Variants in KIAA1217 observed in about 807,000 individuals in gnomAD.
The protein encoded by KIAA1217 is sickle tail protein homolog.
Under a neutral mutation model 163.9 loss-of-function variants are expected in KIAA1217, and 88 were observed. The ratio of observed to expected loss-of-function variants is 0.54; its 90% CI spans 0.45 to 0.64. The LOEUF (loss-of-function observed/expected upper bound fraction) is 0.64, where lower values mean the gene tolerates loss of function less well. Among genes scored for constraint, KIAA1217 ranks in the 30% least tolerant of loss-of-function variants. The probability of loss-of-function intolerance (pLI) is 0.00; values close to 1 mark genes in which losing one functional copy is unlikely to be tolerated. For missense variants in KIAA1217, 2,372 were observed against 2,475.0 expected (o/e 0.96, Z 0.88); for synonymous variants, 903 against 923.1 (o/e 0.98, Z 0.39).
At chr10:24,194,276 TCCCTCCTCTCCCCTC>T (rs1214094134) in intron 2 of KIAA1217, among the ~76,000 whole-genome samples, 16 of 134,234 alleles carry the variant, frequency 1.2e-4, no homozygotes, top group Non-Finnish European at 1.9e-4. Context: ...GGCCTTCATT[TCCCTCCTCTCCCCTC>T]CCCTCCTCTC....
chr10:24,500,807 G>C (rs1041172709), intron 8 of KIAA1217, among the ~76,000 whole-genome samples: 1 of 152,132 alleles, frequency 6.6e-6, no homozygotes, highest in Non-Finnish European at 1.5e-5. Context: ...AATTGGCCAA[G>C]TGCGGTGGTT....
intron 1 of KIAA1217, among the ~76,000 whole-genome samples, chr10:23,979,123 G>A (rs1015772371): frequency 6.6e-6 from 1 of 152,144 alleles, no homozygotes; most frequent in Admixed American, 6.6e-5. Flanking sequence ...ATGACAAAAG[G>A]TCTTGATTAA....
At chr10:24,343,425 C>T (rs1010873135) in intron 2 of KIAA1217, among the ~76,000 whole-genome samples, 1 of 152,098 alleles carries the variant, frequency 6.6e-6, no homozygotes, top group African/African-American at 2.4e-5. Flanking sequence ...GTGCGAAGCT[C>T]CAGTTTGTGT....
At chr10:24,297,430 G>A (rs1238003986) in intron 2 of KIAA1217, among the ~76,000 whole-genome samples, 4 of 152,184 alleles carry the variant, frequency 2.6e-5, no homozygotes, top group African/African-American at 4.8e-5. Context: ...CAGTTGCTCA[G>A]TCCCCATCTC....
chr10:23,766,563 CTTTTCTTTTTT>C (rs1432913977), intron 1 of KIAA1217, among the ~76,000 whole-genome samples: 2 of 144,924 alleles, frequency 1.4e-5, no homozygotes, highest in Non-Finnish European at 3.0e-5. Context: ...TTTTCTTTTT[CTTTTCTTTTTT>C]TTTTCTTTCT....
At chr10:23,759,392 C>A (rs1834124552) in intron 1 of KIAA1217, among the ~76,000 whole-genome samples, 2 of 152,230 alleles carry the variant, frequency 1.3e-5, no homozygotes. Context: ...AATTTGGATA[C>A]CTTTGATTTC....
intron 2 of KIAA1217, among the ~76,000 whole-genome samples, chr10:24,064,992 C>G (rs549808029): frequency 6.6e-6 from 1 of 152,252 alleles, no homozygotes; most frequent in South Asian, 2.1e-4. Context: ...GTGATATCAC[C>G]TTTGTCATTT....
intron 2 of KIAA1217, among the ~76,000 whole-genome samples, chr10:24,151,011 G>A (rs1165828374): frequency 6.6e-6 from 1 of 152,098 alleles, no homozygotes; most frequent in Non-Finnish European, 1.5e-5. Flanking sequence ...GAGACTTAGG[G>A]GGCTAGAGAA....
chr10:23,954,046 G>GA (rs1209478379), intron 1 of KIAA1217, among the ~76,000 whole-genome samples: 1 of 152,152 alleles, frequency 6.6e-6, no homozygotes, highest in African/African-American at 2.4e-5. Context: ...AAGGTCAGAT[G>GA]AAAATGCATT....
At position 24,405,226 on chromosome 10, in the gene KIAA1217, T is replaced by A. The variant is rs554164490; in HGVS notation, c.553+24159T>A. On this transcript the variant is annotated intron_variant, in intron 3 of 20. Transcript: ENST00000376454. ...GTTTTGTTATTGCCCTATAGTTATA[T>A]AATTGGGGGAGGGAGGGCAAAGAGT... 2.0e-5 allele frequency among the ~76,000 whole-genome samples: 3 copies of A among 152,290 alleles called. No homozygotes were observed. The South Asian group carries it at 6.2e-4, about 32-fold the overall frequency.
chr10:23,719,036 A>C (rs1036075812), intron 1 of KIAA1217, among the ~76,000 whole-genome samples: 1 of 152,210 alleles, frequency 6.6e-6, no homozygotes, highest in African/African-American at 2.4e-5. Context: ...ATGACCCTGC[A>C]ATTCCCCTTC....
chr10:23,933,610 A>G (rs1843346912), intron 1 of KIAA1217, among the ~76,000 whole-genome samples: 1 of 152,210 alleles, frequency 6.6e-6, no homozygotes, highest in Non-Finnish European at 1.5e-5. Context: ...CAGGCACCCT[A>G]CAGAATGGGA....
chr10:24,513,418 A>G lies in KIAA1217; in HGVS notation c.2161A>G (p.Ile721Val), dbSNP rs770527145. 72 of 1,614,044 alleles carry G rather than the reference A, an allele frequency of 4.5e-5. 1 individual carries two copies. The highest frequency in any genetic ancestry group is 2.8e-5 in the Non-Finnish European group (33 of 1,180,002). ...RQKYLHEEEKIVKKLCELEDF... is the reference protein window; with the variant it reads ...RQKYLHEEEKVVKKLCELEDF... ...AAAATATCTTCATGAGGAAGAGAAG[A>G]TCGTCAAGAAGTTGTGGTGAGTGCC... Residue 721 changes from isoleucine to valine, a missense_variant, in exon 10 of 21, where the codon ATC (isoleucine) becomes GTC (valine). By Grantham distance (29) the Ile-to-Val change is conservative (BLOSUM62 3). Around this residue, in one of 3 missense-constraint regions of KIAA1217, gnomAD observed 1,431 missense variants for 1,470.3 expected, o/e 0.97. Coordinates refer to ENST00000376454, the MANE Select transcript of KIAA1217 (RefSeq NM_019590.5).
intron 2 of KIAA1217, among the ~76,000 whole-genome samples, chr10:24,083,638 C>T (rs2131663222): frequency 6.6e-6 from 1 of 152,288 alleles, no homozygotes; most frequent in East Asian, 1.9e-4. Flanking sequence ...CTTTGACACA[C>T]ATTTCTAAAT....
At chr10:24,270,205 G>C (rs1250702289) in intron 2 of KIAA1217, among the ~76,000 whole-genome samples, 1 of 152,152 alleles carries the variant, frequency 6.6e-6, no homozygotes, top group East Asian at 1.9e-4. Flanking sequence ...TTCACGTTCT[G>C]CACAATTATT....
chr10:24,470,875 C>T (rs781471727), intron 5 of KIAA1217, among the ~76,000 whole-genome samples: 14 of 152,140 alleles, frequency 9.2e-5, no homozygotes, highest in Non-Finnish European at 1.9e-4. Flanking sequence ...CTGGATCCTT[C>T]CAGGAGCAAG....
At chr10:24,525,883 A>G (rs572366219) in intron 13 of KIAA1217, among the ~76,000 whole-genome samples, 1 of 152,198 alleles carries the variant, frequency 6.6e-6, no homozygotes, top group South Asian at 2.1e-4. Context: ...CCAGCTACTC[A>G]GGGGGTTGAG....
At chr10:24,251,989 C>T (rs960580) in intron 2 of KIAA1217, among the ~76,000 whole-genome samples, 3 of 151,564 alleles carry the variant, frequency 2.0e-5, no homozygotes, top group Non-Finnish European at 2.9e-5. Context: ...TTCAGGACAT[C>T]GTAGCAGGAA....
chr10:24,011,473 T>C (rs955108556), intron 2 of KIAA1217, among the ~76,000 whole-genome samples: 2 of 151,922 alleles, frequency 1.3e-5, no homozygotes, highest in African/African-American at 2.4e-5. Context: ...GGTGACAGAG[T>C]GAGATCTTGT....
Sources: gnomAD v4.1 joint callset for allele counts (sites outside exome capture counted in the v4.1 genomes callset) on GRCh38, gnomAD v4.1.1 for gene constraint, gnomAD v4.1.1 regional missense constraint, MANE v1.5 for transcripts, NCBI Gene and HGNC (gene_info 2026-07-23, HGNC 2026-07-21) for gene names.